Variants in USP10 observed in about 807,000 individuals in gnomAD.
The protein encoded by USP10 is ubiquitin specific peptidase 10.
In USP10, 22 loss-of-function variants were observed where a neutral mutation model predicts 84.5. The ratio of observed to expected loss-of-function variants is 0.26; its 90% CI spans 0.19 to 0.37. The LOEUF (loss-of-function observed/expected upper bound fraction) is 0.37. Ranked by LOEUF, USP10 falls within the 10% of genes least tolerant of loss-of-function variation. The pLI is 1.00. For synonymous variants in USP10, 454 were observed against 387.6 expected, an observed-to-expected ratio of 1.17 and a Z score of -2.01; for missense variants, 1,019 against 998.9, an observed-to-expected ratio of 1.02 and a Z score of -0.27.
intron 4 of USP10, among the ~76,000 whole-genome samples, chr16:84,749,501 T>A (rs1279961150): frequency 6.6e-6 from 1 of 151,834 alleles, no homozygotes; most frequent in African/African-American, 2.4e-5. Flanking sequence ...GTGTGGAGAT[T>A]GAGGCTTGAG....
chr16:84,767,918 C>T (rs1276672561), intron 10 of USP10, among the ~76,000 whole-genome samples: 1 of 152,066 alleles, frequency 6.6e-6, no homozygotes, highest in African/African-American at 2.4e-5. Flanking sequence ...AGGCAGAGGA[C>T]CCTGCGGCCT....
intron 12 of USP10, among the ~76,000 whole-genome samples, chr16:84,774,880 A>G (rs948501465): frequency 1.3e-5 from 2 of 152,144 alleles, no homozygotes; most frequent in African/African-American, 4.8e-5. Flanking sequence ...TCCATTTTGT[A>G]GAGCACCTGT....
At chr16:84,737,835 T>A (rs986054587) in intron 2 of USP10, among the ~76,000 whole-genome samples, 1 of 152,218 alleles carries the variant, frequency 6.6e-6, no homozygotes, top group Non-Finnish European at 1.5e-5. Flanking sequence ...ACACCCTGAG[T>A]GCCCAGTCAG....
At chr16:84,721,811 C>T (rs574252434) in intron 1 of USP10, among the ~76,000 whole-genome samples, 1 of 152,370 alleles carries the variant, frequency 6.6e-6, no homozygotes, top group East Asian at 1.9e-4. Flanking sequence ...AATTCTCCTG[C>T]CTCAGCCTCT....
Position 84,744,981 on chromosome 16 carries a change from G to T in USP10, c.500G>T (p.Gly167Val). ...TATTACAGCTATTTGAAAGATGGTG[G>T]CGATGATAGTATCTCCACAGAAGCC... ...PGYYSYLKDG[G>V]DDSISTEALV... Residue 167 changes from glycine to valine, a missense_variant, in exon 4 of 14, where the codon GGC (glycine) becomes GTC (valine). By Grantham distance (109) the Gly-to-Val change is moderately radical. This residue lies in a region of USP10 where 787 missense variants were observed against 708.8 expected (regional missense o/e 1.11). Transcript: ENST00000219473. 6.2e-7 allele frequency: 1 copy of T among 1,613,798 alleles called. No individual in the cohort carries two copies. Among genetic ancestry groups the T allele is most frequent in the Non-Finnish European group, 8.5e-7 (1 of 1,179,726 alleles).
intron 2 of USP10, among the ~76,000 whole-genome samples, chr16:84,737,122 C>G (rs1185370646): frequency 1.3e-5 from 2 of 152,252 alleles, no homozygotes; most frequent in East Asian, 3.9e-4. Context: ...TAAAGGAGGG[C>G]TTTGTGGTTC....
At chr16:84,741,999 G>A (rs1329857069) in intron 3 of USP10, among the ~76,000 whole-genome samples, 2 of 152,208 alleles carry the variant, frequency 1.3e-5, no homozygotes, top group Admixed American at 1.3e-4. Context: ...TCCAGCTGCA[G>A]CAAGCCCTTT....
chr16:84,733,887 G>A (rs780360388), intron 2 of USP10, among the ~76,000 whole-genome samples: 64 of 139,056 alleles, frequency 4.6e-4, no homozygotes, highest in Non-Finnish European at 3.6e-4. Flanking sequence ...AAAGTGTCAC[G>A]TAAATGGTAT....
rs1382763816 is a variant in USP10, at chr16:84,759,192, A to G, written c.1285-171A>G. The G allele has an allele frequency of 7.6e-6, 5 of 654,864 alleles. No homozygotes were observed. The Admixed American group carries it at 1.2e-4, about 16-fold the overall frequency. The allele number at this position is 654,864 out of a possible 1,614,324, so 40.6% of individuals were successfully genotyped here. A position where few individuals can be genotyped will look rare whatever the true frequency, so the allele number is the denominator to read the frequency against. ...TAGATCCTTATATGGACATCACAGG[A>G]CACTTACCCTAGTAACTATTTGGTT... is the stretch of plus-strand genomic sequence containing the variant. On this transcript the variant is annotated intron_variant, in intron 5 of 13. Coordinates refer to ENST00000219473, the MANE Select transcript of USP10 (RefSeq NM_005153.3).
intron 4 of USP10, among the ~76,000 whole-genome samples, chr16:84,750,350 T>G (rs1356283110): frequency 2.0e-5 from 3 of 146,502 alleles, no homozygotes; most frequent in Non-Finnish European, 4.5e-5. Flanking sequence ...GGAGGTTCAG[T>G]GAGCCCAGAT....
At chr16:84,755,987 T>G (rs758221249) in intron 4 of USP10, among the ~76,000 whole-genome samples, 13 of 152,162 alleles carry the variant, frequency 8.5e-5, no homozygotes, top group Non-Finnish European at 1.5e-4. Flanking sequence ...AGTGAGAACC[T>G]TCTAGTATAT....
chr16:84,763,135 A>G, intron 9 of USP10, 47 bp downstream of exon 9: 5 of 1,303,478 alleles, frequency 3.8e-6, no homozygotes, highest in Non-Finnish European at 5.5e-6. Flanking sequence ...AGTTCGCTGT[A>G]AACAGGTGTT....
At chr16:84,734,464 A>G (rs976238609) in intron 2 of USP10, among the ~76,000 whole-genome samples, 2 of 152,082 alleles carry the variant, frequency 1.3e-5, no homozygotes, top group Non-Finnish European at 2.9e-5. Flanking sequence ...CCTTGTCCAT[A>G]TTTTTAAATC....
chr16:84,744,014 T>C (rs1910924596), intron 3 of USP10, among the ~76,000 whole-genome samples: 1 of 152,182 alleles, frequency 6.6e-6, no homozygotes, highest in Non-Finnish European at 1.5e-5. Context: ...TTCAGAAGAG[T>C]GCTCTGAAGT....
At chr16:84,732,269 A>T (rs1909327824) in intron 1 of USP10, among the ~76,000 whole-genome samples, 1 of 152,198 alleles carries the variant, frequency 6.6e-6, no homozygotes, top group South Asian at 2.1e-4. Context: ...CCTGGAAGCT[A>T]CTAGACTGTT....
At position 84,745,577 on chromosome 16, in the gene USP10, C is replaced by T; in HGVS notation, c.1096C>T (p.Pro366Ser). The part of the protein sequence containing the change: ...PVAYVETKYS[P>S]PAISPLVSEK... Reference sequence around the variant, plus strand: ...GGCCTATGTGGAAACTAAGTATTCCCCTCCCGCCATATCTCCCCTGGTTTC... The same window carrying T: ...GGCCTATGTGGAAACTAAGTATTCCTCTCCCGCCATATCTCCCCTGGTTTC... Residue 366 changes from proline (P) to serine (S), a missense_variant, in exon 4 of 14, where the codon CCT becomes TCT. Transcript: ENST00000219473. The T allele has an allele frequency of 6.2e-7, 1 of 1,610,660 alleles. No individual in the cohort carries two copies. Among genetic ancestry groups the T allele is most frequent in the Non-Finnish European group, 8.5e-7 (1 of 1,178,346 alleles).
intron 3 of USP10, among the ~76,000 whole-genome samples, chr16:84,742,087 T>A (rs942800625): frequency 1.3e-5 from 2 of 152,238 alleles, no homozygotes; most frequent in Non-Finnish European, 2.9e-5. Context: ...TTTTATATTT[T>A]AATTTTTGTA....
intron 2 of USP10, among the ~76,000 whole-genome samples, chr16:84,735,693 GTGACTGTGTCTCATGAAAA>G (rs1049708620): frequency 6.6e-6 from 1 of 152,170 alleles, no homozygotes; most frequent in African/African-American, 2.4e-5. Flanking sequence ...CACAGAAGAC[GTGACTGTGTCTCATGAAAA>G]TGAGCTCAAG....
intron 1 of USP10, among the ~76,000 whole-genome samples, chr16:84,714,431 T>A (rs1343956764): frequency 6.6e-6 from 1 of 152,158 alleles, no homozygotes; most frequent in Non-Finnish European, 1.5e-5. Flanking sequence ...CCATCCTCCC[T>A]CTTTAGCCTC....
Sources: gnomAD v4.1 joint callset for allele counts (sites outside exome capture counted in the v4.1 genomes callset) on GRCh38, gnomAD v4.1.1 for gene constraint, gnomAD v4.1.1 regional missense constraint, MANE v1.5 for transcripts, NCBI Gene and HGNC (gene_info 2026-07-23, HGNC 2026-07-21) for gene names.